AFG3L2: variants seen among roughly 807,000 people sequenced by gnomAD.
AFG3L2 encodes the protein mitochondrial inner membrane m-AAA protease component AFG3L2.
A neutral mutation model predicts 94.5 loss-of-function variants in AFG3L2; 54 were observed. The ratio of observed to expected loss-of-function variants is 0.57; its 90% CI spans 0.46 to 0.72. The LOEUF is 0.72. AFG3L2 is among the 30% of genes least tolerant of loss of function. AFG3L2 has a pLI of 0.00. For missense variants in AFG3L2, 754 were observed against 994.9 expected, an observed-to-expected ratio of 0.76 and a Z score of 3.26; for synonymous variants, 377 against 365.5, an observed-to-expected ratio of 1.03 and a Z score of -0.36.
rs2143191701 is a variant in AFG3L2, at chr18:12,358,683, G to A, written c.1013C>T (p.Ala338Val). 6.2e-7 allele frequency: 1 copy of A among 1,614,080 alleles called. No individual in the cohort carries two copies. Among genetic ancestry groups the A allele is most frequent in the Non-Finnish European group, 8.5e-7 (1 of 1,179,982 alleles). The change falls in exon 8 of 17, where the codon GCA becomes GTA. Residue 338 changes from alanine (A) to valine (V), a missense_variant. Physicochemically the swap from Ala to Val is moderately conservative, Grantham distance 64. Around this residue, in one of 4 missense-constraint regions of AFG3L2, gnomAD observed 109 missense variants for 227.1 expected, o/e 0.48. Transcript: ENST00000269143. ...KNPKQYQDLG[A>V]KIPKGAILTG... Reference sequence around the variant, plus strand: ...ATTTCATTTTACCTTTGGGATTTTTGCTCCTAGGTCTTGATACTGCTTTGG... The same window carrying A: ...ATTTCATTTTACCTTTGGGATTTTTACTCCTAGGTCTTGATACTGCTTTGG...
At chr18:12,338,695 C>T (rs1468492786) in intron 15 of AFG3L2, among the ~76,000 whole-genome samples, 2 of 152,106 alleles carry the variant, frequency 1.3e-5, no homozygotes, top group Admixed American at 6.6e-5. Context: ...ATAGAAAAAT[C>T]CCTTATAAAG....
At position 12,329,219 on chromosome 18, in the gene AFG3L2, A is replaced by G. The variant is rs1351363401; in HGVS notation, c.*346T>C. 17 of 702,674 alleles carry G rather than the reference A, an allele frequency of 2.4e-5. No individual in the cohort carries two copies. The allele number at this position is 702,674 out of a possible 1,614,324, so 43.5% of individuals were successfully genotyped here. The stretch of plus-strand genomic sequence containing the variant: ...ACAAAGAGAAAGCATCCCTTCCCAC[A>G]CGCCAAGAGTCCAGTGCAACGATCC... On this transcript the variant is annotated 3_prime_UTR_variant, in exon 17 of 17. Coordinates refer to ENST00000269143, the MANE Select transcript of AFG3L2 (RefSeq NM_006796.3).
chr18:12,368,703 C>T (rs1446874007), intron 3 of AFG3L2, among the ~76,000 whole-genome samples: 5 of 152,096 alleles, frequency 3.3e-5, no homozygotes, highest in African/African-American at 9.7e-5. Flanking sequence ...CAGGTTCAAG[C>T]GATTCTCATG....
intron 16 of AFG3L2, among the ~76,000 whole-genome samples, chr18:12,333,514 C>A (rs1281464450): frequency 6.6e-6 from 1 of 150,638 alleles, no homozygotes; most frequent in Admixed American, 6.7e-5. Context: ...CAGATGCACA[C>A]CACCATGCCG....
rs1312685183 is a variant in AFG3L2 at position 12,351,227 on chromosome 18, T to G, written c.1427-17A>C. The stretch of plus-strand genomic sequence containing the variant: ...CTGGTGGTCCTTTAGAAATCATTTT[T>G]AAGGAAAAGAAAATCATATTGAAAC... On this transcript the variant is annotated splice_polypyrimidine_tract_variant and intron_variant, in intron 11 of 16. Coordinates refer to ENST00000269143, the MANE Select transcript of AFG3L2 (RefSeq NM_006796.3). 2 of 1,613,984 alleles carry G rather than the reference T, an allele frequency of 1.2e-6. No homozygotes were observed. The highest frequency in any genetic ancestry group is 2.7e-5 in the African/African-American group (2 of 74,906).
intron 3 of AFG3L2, among the ~76,000 whole-genome samples, chr18:12,369,400 T>C (rs1908907756): frequency 6.6e-6 from 1 of 152,096 alleles, no homozygotes; most frequent in Non-Finnish European, 1.5e-5. Flanking sequence ...GGGCATATAT[T>C]TGTCTGTCCA....
At position 12,377,142 on chromosome 18, in the gene AFG3L2, G is replaced by T; in HGVS notation, c.-60C>A. 2 of 1,252,782 alleles carry T rather than the reference G, an allele frequency of 1.6e-6. No homozygotes were observed. The highest frequency in any genetic ancestry group is 2.1e-6 in the Non-Finnish European group (2 of 951,234). The allele number at this position is 1,252,782 out of a possible 1,614,324, so 77.6% of individuals were successfully genotyped here. A position where few individuals can be genotyped will look rare whatever the true frequency, so the allele number is the denominator to read the frequency against. On this transcript the variant is annotated 5_prime_UTR_variant, in exon 1 of 17. Coordinates refer to ENST00000269143, the MANE Select transcript of AFG3L2 (RefSeq NM_006796.3). ...GCGCAGGCGCGGGCAGGCGACGACTGGCGGCCTCGGGAAGCGGGCTCGGCT... is the reference window on the plus strand; with the variant it reads ...GCGCAGGCGCGGGCAGGCGACGACTTGCGGCCTCGGGAAGCGGGCTCGGCT...
Position 12,351,021 on chromosome 18 carries a change from T to G in AFG3L2, c.1552+64A>C, listed in dbSNP as rs901150371. ...GTGAAAAGGTAAGAAAGTAAACCGG[T>G]ACCTGGTAACTGTTACTGATTTTAA... is the stretch of plus-strand genomic sequence containing the variant. On this transcript the variant is annotated intron_variant, in intron 12 of 16. Transcript: ENST00000269143. 1.9e-6 allele frequency: 3 copies of G among 1,596,922 alleles called. No homozygotes were observed. The African/African-American group carries it at 4.0e-5, about 21-fold the overall frequency.
chr18:12,343,992 G>T, intron 14 of AFG3L2, 140 bp downstream of exon 14: 2 of 740,112 alleles, frequency 2.7e-6, no homozygotes, highest in South Asian at 1.5e-5. Context: ...GTGCAACTAT[G>T]GTTACCAGAA....
chr18:12,332,094 T>C (rs911616088), intron 16 of AFG3L2, among the ~76,000 whole-genome samples: 2 of 151,436 alleles, frequency 1.3e-5, no homozygotes, highest in Admixed American at 6.6e-5. Context: ...AATTAAGCAG[T>C]TTAAATTATA....
At position 12,329,493 on chromosome 18, in the gene AFG3L2, G is replaced by T; in HGVS notation, c.*72C>A. ...ATCAGCGCAGCATTCCCATTCTTCT[G>T]AAAGCCACAGCTGAAATAATGCACC... is the stretch of plus-strand genomic sequence containing the variant. On this transcript the variant is annotated 3_prime_UTR_variant, in exon 17 of 17. Transcript: ENST00000269143. The T allele has an allele frequency of 6.7e-7, 1 of 1,491,994 alleles. No individual in the cohort carries two copies. Among genetic ancestry groups the T allele is most frequent in the Non-Finnish European group, 9.3e-7 (1 of 1,070,776 alleles). 92.4% of individuals were successfully genotyped at this position (1,491,994 alleles called of 1,614,324 possible).
At chr18:12,344,587 T>C (rs1235971770) in intron 13 of AFG3L2, among the ~76,000 whole-genome samples, 1 of 151,432 alleles carries the variant, frequency 6.6e-6, no homozygotes, top group African/African-American at 2.4e-5. Flanking sequence ...GGCAGGAGAA[T>C]CACTTGAACC....
At chr18:12,348,454 G>T in intron 12 of AFG3L2, 71 bp from the exon 13 acceptor site, 1 of 1,141,590 alleles carries the variant, frequency 8.8e-7, no homozygotes, top group Non-Finnish European at 1.3e-6. Context: ...AATATGGACA[G>T]CCAAATCCAT....
chr18:12,366,454 G>A (rs904129791), intron 5 of AFG3L2, among the ~76,000 whole-genome samples: 1 of 152,156 alleles, frequency 6.6e-6, no homozygotes, highest in Admixed American at 6.6e-5. Context: ...CAGGGACCAC[G>A]CACCCACTTG....
intron 6 of AFG3L2, among the ~76,000 whole-genome samples, chr18:12,361,884 T>G (rs1908672478): frequency 6.6e-6 from 1 of 152,232 alleles, no homozygotes; most frequent in South Asian, 2.1e-4. Context: ...CAGAATAGAT[T>G]AACCACAGAG....
intron 13 of AFG3L2, among the ~76,000 whole-genome samples, chr18:12,348,019 C>G (rs1908199645): frequency 6.6e-6 from 1 of 152,188 alleles, no homozygotes; most frequent in Admixed American, 6.5e-5. Flanking sequence ...CATTCGTGAG[C>G]TGCCATCTCA....
At chr18:12,351,633 G>A (rs779339714) in intron 10 of AFG3L2, among the ~76,000 whole-genome samples, 9 of 150,184 alleles carry the variant, frequency 6.0e-5, no homozygotes, top group Non-Finnish European at 7.4e-5. Flanking sequence ...TGCAACCTCC[G>A]CTTCCCAGGT....
chr18:12,370,719 A>C (rs1908957977), intron 3 of AFG3L2, 130 bp downstream of exon 3: 2 of 679,250 alleles, frequency 2.9e-6, no homozygotes, highest in Non-Finnish European at 2.6e-6. Flanking sequence ...TAGGCCTCCC[A>C]AAAGGCTGGG....
intron 5 of AFG3L2, 90 bp downstream of exon 5, chr18:12,366,875 A>T (rs1908822783): frequency 7.4e-6 from 11 of 1,485,670 alleles, no homozygotes; most frequent in Non-Finnish European, 9.4e-6. Context: ...TGGACGAGCC[A>T]GGTTAACCTG....
Sources: allele counts gnomAD v4.1 joint callset (sites outside exome capture counted in the v4.1 genomes callset), GRCh38; gene constraint gnomAD v4.1.1; regional missense constraint gnomAD v4.1.1; transcripts MANE v1.5; gene names NCBI Gene and HGNC (gene_info 2026-07-23, HGNC 2026-07-21).